CHMP3: variants seen among roughly 807,000 people sequenced by gnomAD.
CHMP3 encodes the protein charged multivesicular body protein 3.
A neutral mutation model predicts 27.4 loss-of-function variants in CHMP3; 8 were observed. The ratio of observed to expected loss-of-function variants is 0.29; its 90% CI spans 0.17 to 0.53. The LOEUF (loss-of-function observed/expected upper bound fraction) is 0.53, where lower values mean the gene tolerates loss of function less well. Among genes scored for constraint, CHMP3 ranks in the 20% least tolerant of loss-of-function variants. The probability of loss-of-function intolerance (pLI) is 0.96; values close to 1 mark genes in which losing one functional copy is unlikely to be tolerated. For synonymous variants in CHMP3, 86 were observed against 85.5 expected (o/e 1.01, Z -0.03); for missense variants, 208 against 271.5 (o/e 0.77, Z 1.64).
At chr2:86,506,083 GT>G in intron 5 of CHMP3, 134 bp from the exon 6 acceptor site, 1 of 1,075,354 alleles carries the variant, frequency 9.3e-7, no homozygotes, top group Non-Finnish European at 1.2e-6. Flanking sequence ...TTTTGGGGGG[GT>G]TTACTCACTC....
Position 86,507,471 on chromosome 2 carries a change from G to T in CHMP3, c.523+8C>A. On this transcript the variant is annotated splice_region_variant and intron_variant, in intron 5 of 5. Coordinates refer to ENST00000263856, the MANE Select transcript of CHMP3 (RefSeq NM_016079.4). ...AGAGAGGAGAAAGGATGGATCTCACGGTCATACCTGCTGTAATTTCAAAGA... is the reference window on the plus strand; with the variant it reads ...AGAGAGGAGAAAGGATGGATCTCACTGTCATACCTGCTGTAATTTCAAAGA... 1 of 1,611,088 alleles carries T rather than the reference G, an allele frequency of 6.2e-7. No homozygotes were observed. Among genetic ancestry groups the T allele is most frequent in the Non-Finnish European group, 8.5e-7 (1 of 1,177,326 alleles).
intron 2 of CHMP3, among the ~76,000 whole-genome samples, chr2:86,533,900 TGTAA>T (rs760999386): frequency 6.6e-6 from 1 of 152,230 alleles, no homozygotes; most frequent in Non-Finnish European, 1.5e-5. Flanking sequence ...TTTACTTGTC[TGTAA>T]GTATTTTCTG....
intron 1 of CHMP3, among the ~76,000 whole-genome samples, chr2:86,558,432 T>A (rs553812192): frequency 2.6e-5 from 4 of 152,336 alleles, no homozygotes; most frequent in Admixed American, 2.6e-4. Flanking sequence ...ATCTTGGGAC[T>A]ACCTGACCTT....
intron 3 of CHMP3, among the ~76,000 whole-genome samples, chr2:86,528,649 G>T (rs889706381): frequency 6.6e-6 from 1 of 152,154 alleles, no homozygotes; most frequent in Non-Finnish European, 1.5e-5. Context: ...ACCACAAACA[G>T]TACTGTACTG....
At chr2:86,555,963 T>C (rs1677105582) in intron 1 of CHMP3, among the ~76,000 whole-genome samples, 1 of 152,226 alleles carries the variant, frequency 6.6e-6, no homozygotes, top group African/African-American at 2.4e-5. Context: ...CCTACCACAA[T>C]GGATATGTTA....
intron 1 of CHMP3, among the ~76,000 whole-genome samples, chr2:86,560,796 C>A (rs960306998): frequency 6.6e-6 from 1 of 151,816 alleles, no homozygotes; most frequent in Non-Finnish European, 1.5e-5. Flanking sequence ...GGGGAGGCCT[C>A]AGGAAGCTTC....
intron 4 of CHMP3, 84 bp downstream of exon 4, chr2:86,510,274 A>AAACCCAGCCCCC: frequency 1.5e-6 from 1 of 664,028 alleles, no homozygotes; most frequent in Non-Finnish European, 2.6e-6. Context: ...GTTCATCCCC[A>AAACCCAGCCCCC]CCCACCCTCA....
At chr2:86,533,556 T>C (rs1340949488) in intron 2 of CHMP3, among the ~76,000 whole-genome samples, 2 of 151,796 alleles carry the variant, frequency 1.3e-5, no homozygotes, top group Non-Finnish European at 2.9e-5. Flanking sequence ...CAGGCTGGAG[T>C]GCAAGGTTGG....
intron 1 of CHMP3, among the ~76,000 whole-genome samples, chr2:86,555,457 G>A (rs1228996394): frequency 2.0e-5 from 3 of 150,318 alleles, no homozygotes; most frequent in South Asian, 2.1e-4. Context: ...AGCCGAGATC[G>A]CACCACTGCA....
At chr2:86,563,261 C>T (rs909122341) in intron 1 of CHMP3, 43 bp downstream of exon 1, 2 of 1,611,214 alleles carry the variant, frequency 1.2e-6, no homozygotes, top group Non-Finnish European at 1.7e-6. Context: ...CACTACGCCC[C>T]ACACAGATCC....
At chr2:86,559,182 A>T (rs192527091) in intron 1 of CHMP3, among the ~76,000 whole-genome samples, 1 of 152,344 alleles carries the variant, frequency 6.6e-6, no homozygotes, top group African/African-American at 2.4e-5. Flanking sequence ...ACAAAAAGGC[A>T]GAAGAAAGGC....
Position 86,542,316 on chromosome 2 carries a change from G to T in CHMP3, c.46-4C>A, listed in dbSNP as rs1289813711. 6.2e-7 allele frequency: 1 copy of T among 1,612,604 alleles called. No homozygotes were observed. Among genetic ancestry groups the T allele is most frequent in the Admixed American group, 1.7e-5 (1 of 59,912 alleles). ...TCTTCAATGACCACTCATTGACCTG[G>T]GAAAATTTTTAGAAAAGGAATGAGG... On this transcript the variant is annotated splice_region_variant and splice_polypyrimidine_tract_variant and intron_variant, in intron 1 of 5. Coordinates refer to ENST00000263856, the MANE Select transcript of CHMP3 (RefSeq NM_016079.4).
intron 1 of CHMP3, among the ~76,000 whole-genome samples, chr2:86,545,021 C>T (rs1333744041): frequency 2.1e-4 from 20 of 95,136 alleles, no homozygotes; most frequent in Non-Finnish European, 2.3e-4. Flanking sequence ...CGCTCCTCAC[C>T]TCCCGGACGA....
At chr2:86,547,324 C>G (rs1241690293) in intron 1 of CHMP3, among the ~76,000 whole-genome samples, 1 of 152,168 alleles carries the variant, frequency 6.6e-6, no homozygotes, top group Non-Finnish European at 1.5e-5. Flanking sequence ...ACTTATGTAA[C>G]AATCTTCAGA....
intron 1 of CHMP3, among the ~76,000 whole-genome samples, chr2:86,546,415 T>C (rs1345693174): frequency 2.0e-5 from 3 of 150,534 alleles, no homozygotes; most frequent in Non-Finnish European, 4.4e-5. Flanking sequence ...ATTTACATTT[T>C]CTTAATGCCC....
rs568055412 is a variant in CHMP3 at position 86,505,594 on chromosome 2, C to T, written c.*210G>A. ...TTCCCCTCCCCACAATAAGATATAT[C>T]TGTCTATACTCCTAAAAATGATGCA... On this transcript the variant is annotated 3_prime_UTR_variant, in exon 6 of 6. Transcript: ENST00000263856. 1 of 516,014 alleles carries T rather than the reference C, an allele frequency of 1.9e-6. No homozygotes were observed. The highest frequency in any genetic ancestry group is 2.0e-5 in the African/African-American group (1 of 51,180). 32.0% of individuals were successfully genotyped at this position (516,014 alleles called of 1,614,324 possible).
At chr2:86,532,132 A>G (rs137926695) in intron 2 of CHMP3, among the ~76,000 whole-genome samples, 6 of 152,292 alleles carry the variant, frequency 3.9e-5, no homozygotes, top group Admixed American at 6.5e-5. Flanking sequence ...CCTTTCAGTA[A>G]TATTTCATCA....
At chr2:86,541,965 T>A (rs1558656245) in intron 2 of CHMP3, among the ~76,000 whole-genome samples, 1 of 152,176 alleles carries the variant, frequency 6.6e-6, no homozygotes, top group Non-Finnish European at 1.5e-5. Flanking sequence ...AATGAAATTG[T>A]ATTTCTTACT....
chr2:86,529,111 A>G, intron 3 of CHMP3, 107 bp downstream of exon 3: 4 of 1,264,030 alleles, frequency 3.2e-6, no homozygotes, highest in Non-Finnish European at 4.2e-6. Flanking sequence ...CTAAGAAAAT[A>G]CAAAGAATAA....
Sources: gnomAD v4.1 joint callset for allele counts (sites outside exome capture counted in the v4.1 genomes callset) on GRCh38, gnomAD v4.1.1 for gene constraint, MANE v1.5 for transcripts, NCBI Gene and HGNC (gene_info 2026-07-23, HGNC 2026-07-21) for gene names.